SORCS1: variants seen among roughly 807,000 people sequenced by gnomAD.
The protein encoded by SORCS1 is sortilin related VPS10 domain containing receptor 1.
A neutral mutation model predicts 146.1 loss-of-function variants in SORCS1; 60 were observed. That is an observed-to-expected ratio of 0.41 (90% CI 0.33 to 0.51). SORCS1 has a LOEUF of 0.51. SORCS1 is among the 20% of genes least tolerant of loss of function. SORCS1 has a pLI of 0.21. For synonymous variants in SORCS1, 637 were observed against 584.0 expected, an observed-to-expected ratio of 1.09 and a Z score of -1.31; for missense variants, 1,352 against 1,487.6, an observed-to-expected ratio of 0.91 and a Z score of 1.50.
At chr10:107,103,209 G>T (rs1427158659) in intron 1 of SORCS1, among the ~76,000 whole-genome samples, 1 of 152,148 alleles carries the variant, frequency 6.6e-6, no homozygotes, top group African/African-American at 2.4e-5. Flanking sequence ...AGAGAGAGTT[G>T]GATCTGCTCT....
intron 4 of SORCS1, among the ~76,000 whole-genome samples, chr10:106,775,407 A>T (rs560892300): frequency 6.6e-6 from 1 of 152,322 alleles, no homozygotes; most frequent in African/African-American, 2.4e-5. Flanking sequence ...TATTTTTAGG[A>T]TTAATGTGCA....
intron 17 of SORCS1, among the ~76,000 whole-genome samples, chr10:106,662,639 C>T (rs1850819944): frequency 6.6e-6 from 1 of 152,174 alleles, no homozygotes; most frequent in Non-Finnish European, 1.5e-5. Flanking sequence ...CACAGGGTTC[C>T]CAGTGGCTGC....
intron 2 of SORCS1, among the ~76,000 whole-genome samples, chr10:106,919,470 C>T (rs2138376787): frequency 6.6e-6 from 1 of 152,256 alleles, no homozygotes; most frequent in South Asian, 2.1e-4. Context: ...GACCCCTGTC[C>T]AGGAACATGT....
intron 18 of SORCS1, among the ~76,000 whole-genome samples, chr10:106,633,975 A>G (rs1848582923): frequency 6.6e-6 from 1 of 152,192 alleles, no homozygotes; most frequent in Admixed American, 6.5e-5. Flanking sequence ...TTGTGGTCGG[A>G]TACATCTGAA....
At chr10:107,148,621 G>C (rs1196587808) in intron 1 of SORCS1, among the ~76,000 whole-genome samples, 2 of 152,130 alleles carry the variant, frequency 1.3e-5, no homozygotes, top group African/African-American at 2.4e-5. Flanking sequence ...CCCTCTAATG[G>C]GGAATGCAAA....
intron 2 of SORCS1, among the ~76,000 whole-genome samples, chr10:106,854,491 T>A (rs1949707751): frequency 7.0e-6 from 1 of 142,874 alleles, no homozygotes; most frequent in African/African-American, 2.7e-5. Flanking sequence ...ATCACATTTT[T>A]ACCATTTTCT....
At chr10:107,159,745 T>C (rs72814921) in intron 1 of SORCS1, among the ~76,000 whole-genome samples, 9,381 of 152,148 alleles carry the variant, frequency 0.062, 320 homozygotes, top group Non-Finnish European at 0.073. Context: ...TTAGCATTCA[T>C]ATAGCATTAA....
At chr10:107,123,069 C>T (rs1349003688) in intron 1 of SORCS1, among the ~76,000 whole-genome samples, 1 of 65,686 alleles carries the variant, frequency 1.5e-5, no homozygotes, top group Non-Finnish European at 3.0e-5. Context: ...GAGGCAAAGA[C>T]AAACTGGCAA....
chr10:106,737,527 C>T (rs1035618156), intron 5 of SORCS1, among the ~76,000 whole-genome samples: 6 of 152,042 alleles, frequency 3.9e-5, no homozygotes, highest in African/African-American at 7.2e-5. Context: ...AAGTTCGAGA[C>T]GAGCCTGGCC....
At chr10:106,775,035 C>T (rs1860320910) in intron 4 of SORCS1, among the ~76,000 whole-genome samples, 1 of 152,220 alleles carries the variant, frequency 6.6e-6, no homozygotes, top group Non-Finnish European at 1.5e-5. Context: ...GTATCATCCA[C>T]TCTGCCACAG....
chr10:107,072,922 C>T (rs1206102801), intron 1 of SORCS1, among the ~76,000 whole-genome samples: 1 of 152,120 alleles, frequency 6.6e-6, no homozygotes, highest in Non-Finnish European at 1.5e-5. Flanking sequence ...TAGTAGGGCA[C>T]TCAGCGATAT....
intron 1 of SORCS1, among the ~76,000 whole-genome samples, chr10:107,014,221 C>T (rs1957797338): frequency 7.1e-6 from 1 of 140,314 alleles, no homozygotes; most frequent in Non-Finnish European, 1.5e-5. Context: ...CACTGCATTC[C>T]AGCCTGGACC....
chr10:106,812,041 C>A (rs1947486016), intron 3 of SORCS1, among the ~76,000 whole-genome samples: 1 of 152,100 alleles, frequency 6.6e-6, no homozygotes. Flanking sequence ...AGCTCTGTCG[C>A]CCAGGCTGGA....
chr10:107,129,696 G>A (rs1235836746), intron 1 of SORCS1, among the ~76,000 whole-genome samples: 1 of 152,148 alleles, frequency 6.6e-6, no homozygotes, highest in African/African-American at 2.4e-5. Context: ...CCTCTTCAAA[G>A]GAAGATCTTT....
intron 1 of SORCS1, among the ~76,000 whole-genome samples, chr10:107,004,036 G>A (rs928926785): frequency 3.3e-5 from 5 of 151,912 alleles, no homozygotes; most frequent in Admixed American, 1.3e-4. Flanking sequence ...TTAGCCAGGC[G>A]TGGTGGCTGG....
At chr10:106,850,228 A>C (rs1374730421) in intron 2 of SORCS1, among the ~76,000 whole-genome samples, 2 of 151,830 alleles carry the variant, frequency 1.3e-5, no homozygotes, top group Non-Finnish European at 2.9e-5. Context: ...CTGTGCTAGC[A>C]ATCAGCGAGA....
At chr10:106,884,626 G>T (rs141964076) in intron 2 of SORCS1, among the ~76,000 whole-genome samples, 1 of 152,250 alleles carries the variant, frequency 6.6e-6, no homozygotes, top group East Asian at 1.9e-4. Context: ...GTCAGTTAAA[G>T]CCCATACCAG....
intron 21 of SORCS1, among the ~76,000 whole-genome samples, chr10:106,612,935 C>G (rs1231594556): frequency 3.3e-5 from 5 of 152,108 alleles, no homozygotes; most frequent in Admixed American, 6.6e-5. Context: ...TGTCCATGCA[C>G]AAAATATTCA....
At chr10:106,948,352 A>AT (rs1219254143) in intron 2 of SORCS1, among the ~76,000 whole-genome samples, 6 of 151,558 alleles carry the variant, frequency 4.0e-5, no homozygotes, top group Non-Finnish European at 7.4e-5. Flanking sequence ...TACTTTTGTG[A>AT]TTTTTTTTAA....
Sources: allele counts gnomAD v4.1 joint callset (sites outside exome capture counted in the v4.1 genomes callset), GRCh38; gene constraint gnomAD v4.1.1; transcripts MANE v1.5; gene names NCBI Gene and HGNC (gene_info 2026-07-23, HGNC 2026-07-21).